The following AGBL4 variants were observed in gnomAD, a reference collection of about 807,000 sequenced individuals.
The protein encoded by AGBL4 is cytosolic carboxypeptidase 6.
Under a neutral mutation model 66.4 loss-of-function variants are expected in AGBL4, and 58 were observed. The ratio of observed to expected loss-of-function variants is 0.87; its 90% CI spans 0.71 to 1.09. AGBL4 has a LOEUF of 1.09. AGBL4 is among the 50% of genes least tolerant of loss of function. AGBL4 has a pLI of 0.00. For synonymous variants in AGBL4, 234 were observed against 222.9 expected (o/e 1.05, Z -0.44); for missense variants, 579 against 631.0 (o/e 0.92, Z 0.88).
intron 3 of AGBL4, among the ~76,000 whole-genome samples, chr1:49,406,975 G>A (rs940989723): frequency 1.4e-5 from 2 of 142,274 alleles, no homozygotes; most frequent in African/African-American, 2.7e-5. Context: ...TGAGGCAGGA[G>A]AATGGCGTAA....
chr1:49,120,780 G>A (rs1645636531), intron 4 of AGBL4, among the ~76,000 whole-genome samples: 2 of 152,054 alleles, frequency 1.3e-5, no homozygotes, highest in Non-Finnish European at 2.9e-5. Context: ...AGTTCTCCTG[G>A]GTAATATCCT....
At chr1:49,175,153 G>A (rs984022392) in intron 4 of AGBL4, 3 of 151,956 alleles carry the variant, frequency 2.0e-5, no homozygotes, top group Non-Finnish European at 4.4e-5. Flanking sequence ...AAGAAGTAAG[G>A]TATAGGGGAA....
At chr1:49,844,873 G>C (rs1646095802) in intron 2 of AGBL4, 2 of 1,470,246 alleles carry the variant, frequency 1.4e-6, no homozygotes, top group Admixed American at 1.7e-5. Context: ...GGCAGTGCTG[G>C]CAGCCTTGAT....
intron 3 of AGBL4, among the ~76,000 whole-genome samples, chr1:49,674,874 G>A (rs1445203940): frequency 7.2e-5 from 11 of 152,142 alleles, no homozygotes; most frequent in Admixed American, 7.2e-4. Flanking sequence ...TGCACATGCA[G>A]TTAATACCAT....
At chr1:49,310,923 GC>G (rs1644931832) in intron 3 of AGBL4, among the ~76,000 whole-genome samples, 2 of 152,024 alleles carry the variant, frequency 1.3e-5, no homozygotes, top group African/African-American at 4.8e-5. Context: ...GCCATATAGT[GC>G]ATAAGTTGGG....
chr1:48,814,168 C>T (rs1646122042), intron 6 of AGBL4, among the ~76,000 whole-genome samples: 1 of 152,106 alleles, frequency 6.6e-6, no homozygotes, highest in Non-Finnish European at 1.5e-5. Flanking sequence ...CCCTGTCAAC[C>T]TCCTCCTTGG....
At chr1:49,134,447 GACA>G (rs1645964691) in intron 4 of AGBL4, among the ~76,000 whole-genome samples, 1 of 149,812 alleles carries the variant, frequency 6.7e-6, no homozygotes, top group Admixed American at 6.7e-5. Context: ...GCATAAGGCA[GACA>G]CTCCCAGAGC....
At chr1:48,554,163 C>T (rs1369829765) in intron 11 of AGBL4, among the ~76,000 whole-genome samples, 1 of 152,138 alleles carries the variant, frequency 6.6e-6, no homozygotes, top group African/African-American at 2.4e-5. Context: ...AGGGACAGGA[C>T]ATGGGGTCCT....
chr1:49,754,296 G>GTT (rs200656390), intron 2 of AGBL4, among the ~76,000 whole-genome samples: 1 of 145,262 alleles, frequency 6.9e-6, no homozygotes, highest in African/African-American at 2.5e-5. Flanking sequence ...TATTTTTAAT[G>GTT]TTTTTTTTTT....
intron 3 of AGBL4, among the ~76,000 whole-genome samples, chr1:49,426,734 A>G (rs1645668732): frequency 6.6e-6 from 1 of 152,198 alleles, no homozygotes. Flanking sequence ...GAGGAAACTG[A>G]GAGTCAGGAG....
At chr1:49,492,441 A>G (rs1025114037) in intron 3 of AGBL4, among the ~76,000 whole-genome samples, 1 of 151,958 alleles carries the variant, frequency 6.6e-6, no homozygotes, top group Non-Finnish European at 1.5e-5. Flanking sequence ...ACCCCACTTG[A>G]CTGTGGGTAA....
chr1:49,939,254 T>C (rs1284725614), intron 1 of AGBL4, among the ~76,000 whole-genome samples: 2 of 149,828 alleles, frequency 1.3e-5, no homozygotes, highest in African/African-American at 4.9e-5. Context: ...GAAGAATCAA[T>C]ATCGTGAAAA....
chr1:49,292,077 G>A (rs1644544698), intron 3 of AGBL4, among the ~76,000 whole-genome samples: 1 of 152,224 alleles, frequency 6.6e-6, no homozygotes, highest in African/African-American at 2.4e-5. Flanking sequence ...GCTTCTCCCT[G>A]CTGTCAGCAC....
At chr1:48,659,197 G>A (rs906071625) in intron 7 of AGBL4, among the ~76,000 whole-genome samples, 2 of 79,282 alleles carry the variant, frequency 2.5e-5, no homozygotes, top group African/African-American at 1.3e-4. Context: ...GCCTGGGGCT[G>A]ACCCACCATT....
chr1:48,969,171 C>A (rs1428227461), intron 5 of AGBL4, among the ~76,000 whole-genome samples: 1 of 139,166 alleles, frequency 7.2e-6, no homozygotes, highest in Admixed American at 7.7e-5. Flanking sequence ...AAATTAGGAA[C>A]TTTCCATATG....
intron 3 of AGBL4, among the ~76,000 whole-genome samples, chr1:49,457,325 T>C (rs1413276177): frequency 6.6e-6 from 1 of 151,882 alleles, no homozygotes; most frequent in Non-Finnish European, 1.5e-5. Context: ...TGATAATTGA[T>C]GAGGTTGAGC....
intron 5 of AGBL4, among the ~76,000 whole-genome samples, chr1:48,966,409 T>C (rs1429458581): frequency 6.6e-6 from 1 of 152,246 alleles, no homozygotes. Context: ...TCAGACAGAC[T>C]ATTGCTCAAT....
chr1:48,818,244 A>C (rs1646231913), intron 6 of AGBL4: 1 of 717,490 alleles, frequency 1.4e-6, no homozygotes, highest in East Asian at 2.7e-5. Flanking sequence ...AGTTAATTAC[A>C]AAGGCTGTAA....
intron 9 of AGBL4, among the ~76,000 whole-genome samples, chr1:48,594,505 T>A (rs1644966707): frequency 6.6e-6 from 1 of 152,184 alleles, no homozygotes; most frequent in Non-Finnish European, 1.5e-5. Flanking sequence ...TAAAGATACT[T>A]TTGTCATTTG....
Sources: gnomAD v4.1 joint callset for allele counts (sites outside exome capture counted in the v4.1 genomes callset) on GRCh38, gnomAD v4.1.1 for gene constraint, MANE v1.5 for transcripts, NCBI Gene and HGNC (gene_info 2026-07-23, HGNC 2026-07-21) for gene names.